The following UBAP1 variants were observed in gnomAD, a reference collection of about 807,000 sequenced individuals.
UBAP1 encodes the protein ubiquitin-associated protein 1.
UBAP1 carries 5 observed loss-of-function variants against 39.0 expected under a neutral mutation model. The ratio of observed to expected loss-of-function variants is 0.13; its 90% CI spans 0.07 to 0.27. The LOEUF (loss-of-function observed/expected upper bound fraction) is 0.27, where lower values mean the gene tolerates loss of function less well. Among genes scored for constraint, UBAP1 ranks in the 10% least tolerant of loss-of-function variants. The pLI, the probability that UBAP1 is intolerant of heterozygous loss-of-function variation, is 1.00. For missense variants in UBAP1, 490 were observed against 608.1 expected (o/e 0.81, Z 2.04); for synonymous variants, 211 against 225.1 (o/e 0.94, Z 0.56).
chr9:34,216,642 A>AT (rs57204146), intron 1 of UBAP1, among the ~76,000 whole-genome samples: 8,756 of 70,214 alleles, frequency 0.12, 1,692 homozygotes, highest in East Asian at 0.36. Flanking sequence ...CACCATGCTA[A>AT]TTTTTTTTTT....
At chr9:34,229,259 T>C (rs1439328055) in intron 2 of UBAP1, among the ~76,000 whole-genome samples, 1 of 151,366 alleles carries the variant, frequency 6.6e-6, no homozygotes, top group Non-Finnish European at 1.5e-5. Context: ...AGGATTTTTA[T>C]CTTTTTTTTT....
chr9:34,226,205 G>A (rs1283388691), intron 2 of UBAP1, among the ~76,000 whole-genome samples: 1 of 147,422 alleles, frequency 6.8e-6, no homozygotes. Context: ...ACCAGCCTGG[G>A]CAACATAGAA....
intron 1 of UBAP1, among the ~76,000 whole-genome samples, chr9:34,197,299 A>C (rs1309733340): frequency 1.3e-5 from 2 of 151,220 alleles, no homozygotes; most frequent in Non-Finnish European, 2.9e-5. Context: ...TTTTGTAAAA[A>C]TTTTTATTAA....
At chr9:34,250,585 A>C (rs1207909861) in intron 5 of UBAP1, 73 bp from the exon 6 acceptor site, 105 of 1,210,386 alleles carry the variant, frequency 8.7e-5, no homozygotes, top group Admixed American at 2.5e-4. Flanking sequence ...TTCACACACT[A>C]GTTTGTTGAG....
chr9:34,204,889 C>T (rs1236719543), intron 1 of UBAP1, among the ~76,000 whole-genome samples: 2 of 152,062 alleles, frequency 1.3e-5, no homozygotes, highest in Non-Finnish European at 2.9e-5. Flanking sequence ...TTGATAGGTT[C>T]GTGGTCAGAT....
chr9:34,234,491 T>A (rs984807341), intron 3 of UBAP1, 151 bp downstream of exon 3: 10 of 939,572 alleles, frequency 1.1e-5, no homozygotes, highest in Non-Finnish European at 1.5e-5. Flanking sequence ...TCCCATAAAA[T>A]TATAAGGGGC....
intron 6 of UBAP1, 55 bp from the exon 7 acceptor site, chr9:34,251,337 A>G: frequency 6.3e-7 from 1 of 1,588,938 alleles, no homozygotes; most frequent in Non-Finnish European, 8.6e-7. Flanking sequence ...TCCTTCACTC[A>G]GCTGTGCTGT....
intron 3 of UBAP1, among the ~76,000 whole-genome samples, chr9:34,236,109 C>T (rs936863875): frequency 6.6e-6 from 1 of 152,054 alleles, no homozygotes; most frequent in Non-Finnish European, 1.5e-5. Flanking sequence ...ATCCGCCCAC[C>T]TCGACCTCCC....
chr9:34,192,762 A>G (rs1175701417), intron 1 of UBAP1, among the ~76,000 whole-genome samples: 2 of 152,066 alleles, frequency 1.3e-5, no homozygotes, highest in Admixed American at 1.3e-4. Flanking sequence ...TAAAATCACA[A>G]GTTCATAATG....
At chr9:34,247,776 T>C (rs1834253809) in intron 4 of UBAP1, among the ~76,000 whole-genome samples, 1 of 152,198 alleles carries the variant, frequency 6.6e-6, no homozygotes, top group South Asian at 2.1e-4. Context: ...TGTTCATTAT[T>C]TGCTAACCTA....
intron 4 of UBAP1, among the ~76,000 whole-genome samples, chr9:34,247,684 A>G (rs1484915729): frequency 6.6e-6 from 1 of 151,934 alleles, no homozygotes; most frequent in Non-Finnish European, 1.5e-5. Flanking sequence ...TTGCCCCCCA[A>G]AGTGCTGGGA....
chr9:34,231,127 A>ATATGTG (rs1554651700), intron 2 of UBAP1, among the ~76,000 whole-genome samples: 6 of 137,026 alleles, frequency 4.4e-5, no homozygotes, highest in African/African-American at 1.7e-4. Context: ...TAAAAAAATT[A>ATATGTG]TGTGTGTGTG....
chr9:34,226,123 G>GTGTGTGTGTGTGTGTGTGTGTGTGTGTT (rs1833063202), intron 2 of UBAP1, among the ~76,000 whole-genome samples: 1 of 104,576 alleles, frequency 9.6e-6, no homozygotes, highest in Non-Finnish European at 2.3e-5. Flanking sequence ...GTGTGTGTGT[G>GTGTGTGTGTGTGTGTGTGTGTGTGTGTT]TGTGTGTGTG....
At chr9:34,185,787 AG>A (rs1830376226) in intron 1 of UBAP1, among the ~76,000 whole-genome samples, 1 of 152,166 alleles carries the variant, frequency 6.6e-6, no homozygotes, top group African/African-American at 2.4e-5. Flanking sequence ...CGGTGGTGGC[AG>A]TAAGCCTAGA....
intron 2 of UBAP1, among the ~76,000 whole-genome samples, chr9:34,222,618 G>A (rs1832820819): frequency 6.6e-6 from 1 of 152,004 alleles, no homozygotes; most frequent in Non-Finnish European, 1.5e-5. Context: ...AACATAGTGA[G>A]ACGCTGTCTC....
At chr9:34,203,519 C>A (rs530850016) in intron 1 of UBAP1, among the ~76,000 whole-genome samples, 2 of 152,190 alleles carry the variant, frequency 1.3e-5, no homozygotes, top group Admixed American at 1.3e-4. Context: ...TGGTATTTGT[C>A]CTCGTAGTGC....
rs752374718 is a variant in UBAP1 at position 34,251,463 on chromosome 9, T to A, written c.1440T>A (p.Val480=). 1 of 1,614,174 alleles carries A rather than the reference T, an allele frequency of 6.2e-7. No individual in the cohort carries two copies. Among genetic ancestry groups the A allele is most frequent in the South Asian group, 1.1e-5 (1 of 91,086 alleles). The part of the protein sequence containing the change: ...MGFELKDIKE[V]LLLHNNDQDN... ...TTGAGCTGAAAGACATTAAGGAAGT[T>A]TTGCTATTACACAACAATGACCAGG... The change falls in exon 7 of 7, where the codon GTT becomes GTA. Residue 480 remains valine, a synonymous_variant. Coordinates refer to ENST00000297661, the MANE Select transcript of UBAP1 (RefSeq NM_016525.5).
rs1210184529 is a variant in UBAP1 at position 34,251,699 on chromosome 9, G to A, written c.*167G>A. On this transcript the variant is annotated 3_prime_UTR_variant, in exon 7 of 7. Transcript: ENST00000297661. ...CTCTGTGAGCCTAGGCCCTGAGCTG[G>A]GGAGGTGGGGAAGATTCGGGCATGT... The A allele has an allele frequency of 6.8e-6, 5 of 735,398 alleles. No homozygotes were observed. Among genetic ancestry groups the A allele is most frequent in the East Asian group, 2.7e-5 (1 of 36,806 alleles). The allele number at this position is 735,398 out of a possible 1,614,324, so 45.6% of individuals were successfully genotyped here. A position where few individuals can be genotyped will look rare whatever the true frequency, so the allele number is the denominator to read the frequency against.
intron 6 of UBAP1, among the ~76,000 whole-genome samples, chr9:34,251,064 C>G (rs1834488575): frequency 6.6e-6 from 1 of 152,212 alleles, no homozygotes; most frequent in Non-Finnish European, 1.5e-5. Context: ...CTAGACTGCT[C>G]TTTGAAGAGC....
Sources: allele counts gnomAD v4.1 joint callset (sites outside exome capture counted in the v4.1 genomes callset), GRCh38; gene constraint gnomAD v4.1.1; transcripts MANE v1.5; gene names NCBI Gene and HGNC (gene_info 2026-07-23, HGNC 2026-07-21).